The following CCDC32 variants were observed in gnomAD, a reference collection of about 807,000 sequenced individuals.
CCDC32 encodes the protein coiled-coil domain containing 32.
Under a neutral mutation model 20.1 loss-of-function variants are expected in CCDC32, and 9 were observed. That is an observed-to-expected ratio of 0.45 (90% CI 0.27 to 0.78). The LOEUF (loss-of-function observed/expected upper bound fraction) is 0.78. CCDC32 is among the 30% of genes least tolerant of loss of function. The pLI is 0.16. For missense variants in CCDC32, 204 were observed against 215.5 expected (o/e 0.95, Z 0.33); for synonymous variants, 63 against 79.0 (o/e 0.80, Z 1.07).
chr15:40,538,490 G>C (rs1357430773), downstream of CCDC32: 1 of 152,286 alleles, frequency 6.6e-6, no homozygotes, highest in East Asian at 1.9e-4. Context: ...ATAGGAGAAA[G>C]AGGGGGCATA....
At position 40,541,766 on chromosome 15, in the gene CCDC32, C is replaced by A. The variant is rs1889405468; in HGVS notation, c.402-2411G>T. Among the ~76,000 whole-genome samples the A allele has an allele frequency of 1.3e-5, 2 of 152,200 alleles. 1 individual carries two copies. The highest frequency in any genetic ancestry group is 4.1e-4 in the South Asian group (2 of 4,834). On this transcript the variant is annotated intron_variant, in intron 3 of 3. Transcript: ENST00000558113. ...CTCACCCCCTAAAATCAGCCACCTACATACAGGTCCTTGTCTCAAGGTACA... is the reference window on the plus strand; with the variant it reads ...CTCACCCCCTAAAATCAGCCACCTAAATACAGGTCCTTGTCTCAAGGTACA...
chr15:40,559,923 T>C (rs536430879), intron 2 of CCDC32, among the ~76,000 whole-genome samples: 2 of 152,218 alleles, frequency 1.3e-5, no homozygotes, highest in Non-Finnish European at 2.9e-5. Flanking sequence ...TCTCACCTTA[T>C]ACAAAAATCA....
At chr15:40,551,238 C>T (rs934117669), downstream of CCDC32, among the ~76,000 whole-genome samples, 5 of 151,936 alleles carry the variant, frequency 3.3e-5, no homozygotes, top group East Asian at 1.9e-4. Flanking sequence ...AAAAATTAGC[C>T]GGGCGTGGTG....
chr15:40,547,669 C>G (rs1248079880), intron 3 of CCDC32, among the ~76,000 whole-genome samples: 1 of 152,208 alleles, frequency 6.6e-6, no homozygotes, highest in East Asian at 1.9e-4. Flanking sequence ...ATAAGTTTTG[C>G]TTTTATTCCT....
intron 3 of CCDC32, among the ~76,000 whole-genome samples, chr15:40,543,467 T>C (rs1244580759): frequency 1.3e-5 from 2 of 151,934 alleles, no homozygotes; most frequent in Non-Finnish European, 2.9e-5. Flanking sequence ...TTGTTGTTGT[T>C]TTTTTGAGAC....
rs1352989120 is a variant in CCDC32, at chr15:40,557,380, GAGA to G, written c.245-11_245-9del. On this transcript the variant is annotated splice_polypyrimidine_tract_variant and intron_variant, in intron 2 of 3. Coordinates refer to ENST00000416810, the MANE Select transcript of CCDC32 (RefSeq NM_001080792.4). The stretch of plus-strand genomic sequence containing the variant: ...TTCTTCTTAGCTTCTTCTCTAGAGA[GAGA>G]AGTAGAGCTTAACAAGGAAAATGAG... The G allele has an allele frequency of 6.3e-7, 1 of 1,593,878 alleles. No individual in the cohort carries two copies. Among genetic ancestry groups the G allele is most frequent in the Admixed American group, 1.8e-5 (1 of 54,486 alleles).
At chr15:40,545,138 T>C (rs752092137) in intron 3 of CCDC32, among the ~76,000 whole-genome samples, 1 of 152,200 alleles carries the variant, frequency 6.6e-6, no homozygotes, top group Non-Finnish European at 1.5e-5. Context: ...TCTTACCCAA[T>C]GTACACTCCG....
the CCDC32 span, among the ~76,000 whole-genome samples, chr15:40,523,283 T>C: frequency 5.9e-5 from 9 of 151,782 alleles, no homozygotes; most frequent in Admixed American, 5.2e-4. Context: ...GGTGGGTGGA[T>C]CACCTGAGGT....
chr15:40,564,706 C>G, intron 1 of CCDC32: 1 of 1,613,164 alleles, frequency 6.2e-7, no homozygotes, highest in Non-Finnish European at 8.5e-7. Context: ...ATGTCTAGCG[C>G]TACAGTGAAC....
At chr15:40,546,576 T>C (rs1438358806) in intron 3 of CCDC32, among the ~76,000 whole-genome samples, 3 of 152,120 alleles carry the variant, frequency 2.0e-5, no homozygotes, top group Non-Finnish European at 2.9e-5. Flanking sequence ...CCAGACCCCA[T>C]AGTAATTATA....
downstream of CCDC32, among the ~76,000 whole-genome samples, chr15:40,528,007 C>T (rs1257568081): frequency 6.6e-6 from 1 of 152,216 alleles, no homozygotes; most frequent in African/African-American, 2.4e-5. Context: ...TGTGGCCTAT[C>T]TTCAGTAATT....
chr15:40,553,410 C>G lies in CCDC32; in HGVS notation c.*561G>C. The G allele has an allele frequency of 1.0e-6, 1 of 985,320 alleles. No homozygotes were observed. The highest frequency in any genetic ancestry group is 4.7e-5 in the South Asian group (1 of 21,282). 61.0% of individuals were successfully genotyped at this position (985,320 alleles called of 1,614,324 possible). The stretch of plus-strand genomic sequence containing the variant: ...AACAAATGAGAGAAAGAAGCCCAGC[C>G]TCTCTCCCTGGAGTCCGTATACTTA... On this transcript the variant is annotated 3_prime_UTR_variant, in exon 4 of 4. Coordinates refer to ENST00000416810, the MANE Select transcript of CCDC32 (RefSeq NM_001080792.4).
intron 1 of CCDC32, among the ~76,000 whole-genome samples, chr15:40,563,699 C>T (rs1281054253): frequency 6.6e-6 from 1 of 151,842 alleles, no homozygotes; most frequent in Admixed American, 6.6e-5. Context: ...CACACACACA[C>T]ACACACACAA....
rs776198212 is a variant in CCDC32 at position 40,562,868 on chromosome 15, C to T, written c.148G>A (p.Gly50Ser). The T allele has an allele frequency of 1.4e-5, 23 of 1,614,242 alleles. No homozygotes were observed. The South Asian group carries it at 2.2e-4, about 15-fold the overall frequency. ...TCAGCCACCTCCCTCTGGCCTTCAC[C>T]TTCAGGGCAAGAATCCACAAAGGAG... ...SDSFVDSCPEGEGQREVADFA... is the reference protein window; with the variant it reads ...SDSFVDSCPESEGQREVADFA... Residue 50 changes from glycine to serine, a missense_variant, in exon 2 of 4, where the codon GGT becomes AGT. Coordinates refer to ENST00000416810, the MANE Select transcript of CCDC32 (RefSeq NM_001080792.4).
intron 2 of CCDC32, among the ~76,000 whole-genome samples, chr15:40,561,583 C>G (rs1385797456): frequency 6.6e-6 from 1 of 151,756 alleles, no homozygotes. Context: ...GGATAAAAAA[C>G]TACACATTGG....
intron 3 of CCDC32, among the ~76,000 whole-genome samples, chr15:40,544,650 C>T (rs568806249): frequency 6.0e-4 from 91 of 152,174 alleles, no homozygotes; most frequent in Non-Finnish European, 1.1e-3. Flanking sequence ...GGAAGAGAGG[C>T]TAAAGATACT....
chr15:40,530,232 G>A (rs1027543430), downstream of CCDC32, among the ~76,000 whole-genome samples: 4 of 144,214 alleles, frequency 2.8e-5, no homozygotes, highest in African/African-American at 5.1e-5. Context: ...GGTAGAGGTC[G>A]CAGTGAGCCA....
chr15:40,533,119 T>C (rs1479805148), downstream of CCDC32, among the ~76,000 whole-genome samples: 3 of 152,182 alleles, frequency 2.0e-5, no homozygotes, highest in Non-Finnish European at 4.4e-5. Flanking sequence ...ACAGGCTACA[T>C]ACAGGCATTA....
Position 40,557,237 on chromosome 15 carries a change from T to G in CCDC32, c.380A>C (p.Asp127Ala), listed in dbSNP as rs1890305428. Residue 127 changes from aspartate to alanine, a missense_variant, in exon 3 of 4, where the codon GAT (aspartate) becomes GCT (alanine). Coordinates refer to ENST00000416810, the MANE Select transcript of CCDC32 (RefSeq NM_001080792.4). ...QEKLASEFFV[D>A]GLDSDESTLE... ...TTACCTCTCATCAGAATCAAGTCCA[T>G]CCACAAAGAACTCTGAAGCTAACTT... is the stretch of plus-strand genomic sequence containing the variant. The G allele has an allele frequency of 6.2e-7, 1 of 1,613,324 alleles. No homozygotes were observed. The highest frequency in any genetic ancestry group is 8.5e-7 in the Non-Finnish European group (1 of 1,179,828).
Sources: allele counts gnomAD v4.1 joint callset (sites outside exome capture counted in the v4.1 genomes callset), GRCh38; gene constraint gnomAD v4.1.1; transcripts MANE v1.5; gene names NCBI Gene and HGNC (gene_info 2026-07-23, HGNC 2026-07-21).